CENPI: variants seen among roughly 807,000 people sequenced by gnomAD.
The protein encoded by CENPI is centromere protein I.
CENPI carries 4 observed loss-of-function variants against 60.4 expected under a neutral mutation model. The observed-to-expected ratio is 0.07, with a 90% confidence interval of 0.03 to 0.15. CENPI has a LOEUF of 0.15. CENPI is among the 10% of genes least tolerant of loss of function. The pLI is 1.00. For missense variants in CENPI, 444 were observed against 534.5 expected (o/e 0.83, Z 1.67); for synonymous variants, 157 against 189.4 (o/e 0.83, Z 1.40).
At chrX:101,169,349 C>T (rs1452877887), downstream of CENPI, among the ~76,000 whole-genome samples, 2 of 112,457 alleles carry the variant, frequency 1.8e-5, no homozygotes, top group East Asian at 5.6e-4. Flanking sequence ...TCATGTGCCA[C>T]CACATAACAA....
chrX:101,147,710 C>A, intron 18 of CENPI, 53 bp from the exon 19 acceptor site: 3 of 925,755 alleles, frequency 3.2e-6, no homozygotes, highest in South Asian at 4.3e-5. Flanking sequence ...ATTTCAAAGG[C>A]ATTATATTCA....
chrX:101,107,333 A>C (rs1338408209), intron 4 of CENPI, among the ~76,000 whole-genome samples: 1 of 104,651 alleles, frequency 9.6e-6, no homozygotes, highest in Non-Finnish European at 2.0e-5. Context: ...GGTATAATTT[A>C]CATACCATAA....
At chrX:101,121,520 C>T (rs1400259527) in intron 8 of CENPI, among the ~76,000 whole-genome samples, 1 of 110,108 alleles carries the variant, frequency 9.1e-6, no homozygotes, top group Non-Finnish European at 1.9e-5. Context: ...AACTCTTGAC[C>T]TCAGGTGATC....
intron 16 of CENPI, among the ~76,000 whole-genome samples, chrX:101,144,480 C>T (rs1182129502): frequency 7.4e-5 from 8 of 107,595 alleles, no homozygotes; most frequent in African/African-American, 2.7e-4. Context: ...GCCTCACAGG[C>T]TCAAGTGATC....
chrX:101,156,650 C>G (rs995523116), intron 20 of CENPI, among the ~76,000 whole-genome samples: 1 of 109,916 alleles, frequency 9.1e-6, no homozygotes, highest in South Asian at 3.9e-4. Flanking sequence ...TCCCTCACCC[C>G]CTTCCCACCC....
intron 20 of CENPI, among the ~76,000 whole-genome samples, chrX:101,154,217 G>A (rs1276590800): frequency 9.0e-6 from 1 of 111,482 alleles, no homozygotes; most frequent in Non-Finnish European, 1.9e-5. Flanking sequence ...GATTGTTTTG[G>A]CTATTGTTGG....
chrX:101,164,183 T>TA lies in CENPI; in HGVS notation c.*1217dup, dbSNP rs759992878. On this transcript the variant is annotated 3_prime_UTR_variant, in exon 22 of 22. Transcript: ENST00000682095. ...TTAAAAAACAAACCCTAAACTATAT[T>TA]ATTGGATGGCGTTCAGACTAGAAAT... Among the ~76,000 whole-genome samples, 3 of 111,201 alleles carry TA rather than the reference T, an allele frequency of 2.7e-5. No homozygotes were observed. The East Asian group carries it at 8.4e-4, about 31-fold the overall frequency.
chrX:101,104,868 GAAAAATT>G (rs1423304386), intron 4 of CENPI, among the ~76,000 whole-genome samples: 1 of 105,077 alleles, frequency 9.5e-6, no homozygotes, highest in Non-Finnish European at 2.0e-5. Flanking sequence ...AAAAAAAAAA[GAAAAATT>G]AAGACAGCTC....
At chrX:101,147,541 A>G (rs1262990432) in intron 18 of CENPI, among the ~76,000 whole-genome samples, 1 of 111,518 alleles carries the variant, frequency 9.0e-6, no homozygotes, top group East Asian at 2.8e-4. Flanking sequence ...TATTTAGTCA[A>G]CTACACATCT....
chrX:101,174,639 G>A, the CENPI span, among the ~76,000 whole-genome samples: 6 of 109,720 alleles, frequency 5.5e-5, no homozygotes, highest in Admixed American at 3.0e-4. Flanking sequence ...TAAAGATGGT[G>A]ACAATAGACA....
At chrX:101,161,028 A>G (rs2090103749) in intron 20 of CENPI, among the ~76,000 whole-genome samples, 1 of 112,391 alleles carries the variant, frequency 8.9e-6, no homozygotes, top group Admixed American at 9.5e-5. Context: ...AAGTACTTTC[A>G]CCAGTTTATT....
intron 20 of CENPI, among the ~76,000 whole-genome samples, chrX:101,148,885 A>C (rs1331621979): frequency 5.4e-5 from 6 of 111,905 alleles, no homozygotes; most frequent in Non-Finnish European, 9.4e-5. Flanking sequence ...CATTGAATAA[A>C]TTTTAATATA....
chrX:101,154,761 C>T (rs2090038186), intron 20 of CENPI, among the ~76,000 whole-genome samples: 2 of 111,028 alleles, frequency 1.8e-5, no homozygotes, highest in African/African-American at 3.3e-5. Flanking sequence ...TTGCAGTTTT[C>T]AGATCATAAA....
At chrX:101,102,020 C>T (rs2089422422) in intron 3 of CENPI, among the ~76,000 whole-genome samples, 1 of 111,757 alleles carries the variant, frequency 8.9e-6, no homozygotes, top group Non-Finnish European at 1.9e-5. Flanking sequence ...ACCACAGGTG[C>T]GTGCCAGCAT....
chrX:101,117,195 C>CAT (rs986466514), intron 6 of CENPI, among the ~76,000 whole-genome samples: 3 of 111,120 alleles, frequency 2.7e-5, no homozygotes, highest in African/African-American at 6.5e-5. Flanking sequence ...AAACTGCAGA[C>CAT]ATATATATAT....
At position 101,109,956 on chromosome X, in the gene CENPI, G is replaced by A. The variant is rs1397657676; in HGVS notation, c.549G>A (p.Leu183=). The A allele has an allele frequency of 3.3e-6, 4 of 1,204,015 alleles. No individual in the cohort carries two copies. ...TTGATCGTAAGGAGCAAATTAACTT[G>A]CTCTATGGCTTCTTTTTTGCTTCAT... ...DFIDRKEQIN[L]LYGFFFASLQ... Residue 183 remains leucine (L), a synonymous_variant, in exon 6 of 22, where the codon TTG becomes TTA. Coordinates refer to ENST00000682095, the MANE Select transcript of CENPI (RefSeq NM_001386188.2).
chrX:101,146,057 T>C, intron 17 of CENPI, 96 bp from the exon 18 acceptor site: 1 of 743,303 alleles, frequency 1.3e-6, no homozygotes. Context: ...TAATGTTATG[T>C]TATTGCTTAT....
At chrX:101,134,643 A>C (rs1392381279) in intron 15 of CENPI, among the ~76,000 whole-genome samples, 3 of 111,450 alleles carry the variant, frequency 2.7e-5, no homozygotes, top group Non-Finnish European at 3.8e-5. Context: ...AATGGAGTAC[A>C]AGAAAGTTGT....
At chrX:101,105,381 G>A (rs961654881) in intron 4 of CENPI, among the ~76,000 whole-genome samples, 4 of 110,798 alleles carry the variant, frequency 3.6e-5, no homozygotes, top group Admixed American at 9.7e-5. Context: ...AAAATTAGCC[G>A]GGCGTGGTGT....
Sources: gnomAD v4.1 joint callset for allele counts (sites outside exome capture counted in the v4.1 genomes callset) on GRCh38, gnomAD v4.1.1 for gene constraint, MANE v1.5 for transcripts, NCBI Gene and HGNC (gene_info 2026-07-23, HGNC 2026-07-21) for gene names.